EMILIN1: variants seen among roughly 807,000 people sequenced by gnomAD.
EMILIN1 encodes EMILIN-1.
Under a neutral mutation model 82.4 loss-of-function variants are expected in EMILIN1, and 49 were observed. That is an observed-to-expected ratio of 0.59 (90% CI 0.47 to 0.75). The LOEUF is 0.75. Among genes scored for constraint, EMILIN1 ranks in the 30% least tolerant of loss-of-function variants. EMILIN1 has a pLI of 0.00. For missense variants in EMILIN1, 1,313 were observed against 1,366.4 expected, an observed-to-expected ratio of 0.96 and a Z score of 0.62; for synonymous variants, 604 against 602.2, an observed-to-expected ratio of 1.00 and a Z score of -0.04.
At position 27,082,593 on chromosome 2, in the gene EMILIN1, C is replaced by A. The variant is rs1423398383; in HGVS notation, c.1022C>A (p.Ala341Glu). 12 of 1,543,044 alleles carry A rather than the reference C, an allele frequency of 7.8e-6. No homozygotes were observed. Among genetic ancestry groups the A allele is most frequent in the Admixed American group, 2.0e-5 (1 of 50,958 alleles). Residue 341 changes from alanine (A) to glutamate (E), a missense_variant, in exon 4 of 8, where the codon GCA becomes GAA. Physicochemically the swap from Ala to Glu is moderately radical, Grantham distance 107. Transcript: ENST00000380320. ...ASVEERQRHL[A>E]GLAVGRRPPQ... is the part of the protein sequence containing the mutation. ...GTGGAGGAGCGGCAACGGCACCTCGCAGGGCTGGCGGTGGGCCGCAGGCCC... is the reference window on the plus strand; with the variant it reads ...GTGGAGGAGCGGCAACGGCACCTCGAAGGGCTGGCGGTGGGCCGCAGGCCC...
At chr2:27,079,684 C>G (rs1031420569) in intron 1 of EMILIN1, among the ~76,000 whole-genome samples, 1 of 152,226 alleles carries the variant, frequency 6.6e-6, no homozygotes, top group African/African-American at 2.4e-5. Flanking sequence ...GAACTGCAAT[C>G]CCCAAGAGGG....
At chr2:27,084,583 A>G in intron 5 of EMILIN1, 52 bp downstream of exon 5, 1 of 1,096,264 alleles carries the variant, frequency 9.1e-7, no homozygotes, top group Non-Finnish European at 1.4e-6. Flanking sequence ...GCCCCCTCCA[A>G]CCCTGACCCC....
intron 3 of EMILIN1, among the ~76,000 whole-genome samples, chr2:27,081,849 G>A (rs74464646): frequency 2.6e-5 from 4 of 152,250 alleles, no homozygotes; most frequent in Non-Finnish European, 5.9e-5. Flanking sequence ...CAGCCTATAT[G>A]ATGGGAAGAG....
At chr2:27,081,151 TTGTG>T (rs1242804580) in intron 3 of EMILIN1, among the ~76,000 whole-genome samples, 199 bp downstream of exon 3, 1 of 118,228 alleles carries the variant, frequency 8.5e-6, no homozygotes, top group Non-Finnish European at 1.8e-5. Context: ...GTGTGTGTAT[TTGTG>T]TGTCTGTGTG....
chr2:27,084,283 A>G lies in EMILIN1; in HGVS notation c.2441-132A>G, dbSNP rs941662424. On this transcript the variant is annotated intron_variant, in intron 4 of 7. Transcript: ENST00000380320. ...TCCAGCATATGCAGCAAGGGACCCC[A>G]TGGCCCCCTCAGCCTGCAAAGCTCC... is the stretch of plus-strand genomic sequence containing the variant. The G allele has an allele frequency of 1.1e-5, 8 of 719,432 alleles. No homozygotes were observed. In the Admixed American group the frequency reaches 1.4e-4, roughly 13 times the overall value. The allele number at this position is 719,432 out of a possible 1,614,324, so 44.6% of individuals were successfully genotyped here.
intron 3 of EMILIN1, among the ~76,000 whole-genome samples, chr2:27,081,527 C>T (rs976580917): frequency 6.6e-6 from 1 of 152,178 alleles, no homozygotes; most frequent in Non-Finnish European, 1.5e-5. Flanking sequence ...CCAACTCTCA[C>T]CGTCCACAGA....
chr2:27,079,167 T>A lies in EMILIN1; in HGVS notation c.102T>A (p.Gly34=). 1 of 1,590,268 alleles carries A rather than the reference T, an allele frequency of 6.3e-7. No homozygotes were observed. The highest frequency in any genetic ancestry group is 1.1e-5 in the South Asian group (1 of 89,078). The change falls in exon 1 of 8, where the codon GGT becomes GGA. Residue 34 remains glycine (G), a synonymous_variant. Coordinates refer to ENST00000380320, the MANE Select transcript of EMILIN1 (RefSeq NM_007046.4). ...CTCGAGGTTTCAGCCTCTACACAGGTTCCAGTGGGGCCCTCAGCCCCGGGG... is the reference window on the plus strand; with the variant it reads ...CTCGAGGTTTCAGCCTCTACACAGGATCCAGTGGGGCCCTCAGCCCCGGGG... ...YPPRGFSLYT[G]SSGALSPGGP...
chr2:27,083,083 G>A lies in EMILIN1; in HGVS notation c.1512G>A (p.Val504=). 1 of 1,560,516 alleles carries A rather than the reference G, an allele frequency of 6.4e-7. No homozygotes were observed. Among genetic ancestry groups the A allele is most frequent in the Non-Finnish European group, 8.7e-7 (1 of 1,152,504 alleles). ...SEILSALERR[V]LDSEGQLRLV... ...TCCTCAGTGCCTTGGAGCGCAGGGT[G>A]CTGGACAGTGAGGGGCAGCTGCGGC... Residue 504 remains valine (V), a synonymous_variant, in exon 4 of 8, where the codon GTG becomes GTA. Transcript: ENST00000380320.
chr2:27,082,652 C>G lies in EMILIN1; in HGVS notation c.1081C>G (p.Arg361Gly). 2 of 1,548,934 alleles carry G rather than the reference C, an allele frequency of 1.3e-6. No homozygotes were observed. Among genetic ancestry groups the G allele is most frequent in the Non-Finnish European group, 1.7e-6 (2 of 1,149,816 alleles). The change falls in exon 4 of 8, where the codon CGA becomes GGA. Residue 361 changes from arginine to glycine, a missense_variant. Transcript: ENST00000380320. ...QECCSPELGR[R>G]LAELERRLDV... Reference sequence around the variant, plus strand: ...ATGCTGCTCTCCAGAGCTGGGCCGGCGACTGGCAGAGCTGGAGCGCAGGCT... The same window carrying G: ...ATGCTGCTCTCCAGAGCTGGGCCGGGGACTGGCAGAGCTGGAGCGCAGGCT...
rs372417617 is a variant in EMILIN1 at position 27,083,720 on chromosome 2, G to A, written c.2149G>A (p.Ala717Thr). ...AGGCCTAGAGGAGGGACAAGCACAG[G>A]CCGGCCAGTGCCCCAGCTTAGAGGG... ...FRGLEEGQAQ[A>T]GQCPSLEGRL... The change falls in exon 4 of 8, where the codon GCC (alanine) becomes ACC (threonine). Residue 717 changes from alanine to threonine, a missense_variant. Coordinates refer to ENST00000380320, the MANE Select transcript of EMILIN1 (RefSeq NM_007046.4). 2.5e-6 allele frequency: 4 copies of A among 1,613,880 alleles called. No individual in the cohort carries two copies. The highest frequency in any genetic ancestry group is 4.5e-5 in the East Asian group (2 of 44,858).
chr2:27,083,142 CG>C lies in EMILIN1; in HGVS notation c.1576del (p.Glu526ArgfsTer35). 6.3e-7 allele frequency: 1 copy of C among 1,592,656 alleles called. No individual in the cohort carries two copies. The highest frequency in any genetic ancestry group is 8.6e-7 in the Non-Finnish European group (1 of 1,168,262). Reference protein sequence around the residue: ...VGSGLHTVEAAGEARQATLEG... With the variant: ...VGSGLHTVEAXGEARQATLEG... ...TCCGGCCTGCACACGGTGGAAGCAG[CG>C]GGGGAGGCCCGGCAGGCCACGCTGG... On this transcript the variant is annotated frameshift_variant, in exon 4 of 8. Transcript: ENST00000380320. LOFTEE classifies it high-confidence loss of function.
At position 27,083,004 on chromosome 2, in the gene EMILIN1, G is replaced by A; in HGVS notation, c.1433G>A (p.Cys478Tyr). 6.4e-7 allele frequency: 1 copy of A among 1,566,738 alleles called. No individual in the cohort carries two copies. The highest frequency in any genetic ancestry group is 8.6e-7 in the Non-Finnish European group (1 of 1,156,654). Residue 478 changes from cysteine (C) to tyrosine (Y), a missense_variant, in exon 4 of 8, where the codon TGC becomes TAC. Transcript: ENST00000380320. Reference sequence around the variant, plus strand: ...CAGGTGGCAGGGGCCATGCAGGCATGCGGGCAGCTCTGCTCTGGGGCCCCT... The same window carrying A: ...CAGGTGGCAGGGGCCATGCAGGCATACGGGCAGCTCTGCTCTGGGGCCCCT... ...EEQVAGAMQACGQLCSGAPGE... is the reference protein window; with the variant it reads ...EEQVAGAMQAYGQLCSGAPGE...
At position 27,078,926 on chromosome 2, in the gene EMILIN1, G is replaced by A; in HGVS notation, c.-140G>A. ...CAGGCAGCCAAGGAGAAGACGTGTG[G>A]CCGGGGGCTATCAGAAGGAAACTGG... is the stretch of plus-strand genomic sequence containing the variant. On this transcript the variant is annotated 5_prime_UTR_variant, in exon 1 of 8. Transcript: ENST00000380320. 1 of 596,144 alleles carries A rather than the reference G, an allele frequency of 1.7e-6. No homozygotes were observed. The highest frequency in any genetic ancestry group is 3.4e-5 in the East Asian group (1 of 29,006). The allele number at this position is 596,144 out of a possible 1,614,324, so 36.9% of individuals were successfully genotyped here.
chr2:27,082,159 G>C lies in EMILIN1; in HGVS notation c.588G>C (p.Arg196=). The change falls in exon 4 of 8, where the codon CGG becomes CGC. Residue 196 remains arginine (R), a synonymous_variant. Transcript: ENST00000380320. ...QSLTKELQGL[R]GVLQGLSGRL... Reference sequence around the variant, plus strand: ...TGACCAAGGAGCTGCAAGGCCTGCGGGGCGTCCTGCAAGGACTGAGCGGGC... The same window carrying C: ...TGACCAAGGAGCTGCAAGGCCTGCGCGGCGTCCTGCAAGGACTGAGCGGGC... 1 of 1,613,788 alleles carries C rather than the reference G, an allele frequency of 6.2e-7. No individual in the cohort carries two copies. The highest frequency in any genetic ancestry group is 8.5e-7 in the Non-Finnish European group (1 of 1,180,022).
chr2:27,081,272 T>C (rs1334426211), intron 3 of EMILIN1, among the ~76,000 whole-genome samples: 1 of 152,172 alleles, frequency 6.6e-6, no homozygotes, highest in Non-Finnish European at 1.5e-5. Flanking sequence ...TTCAAACAGC[T>C]GCAGGAGAAA....
chr2:27,085,263 G>C lies in EMILIN1; in HGVS notation c.2679G>C (p.Leu893=). The change falls in exon 7 of 8, where the codon CTG becomes CTC. Residue 893 remains leucine (L), a synonymous_variant. Transcript: ENST00000380320. ...GCACGGTCCCCTTCGACAGAGTCCTGCTCAATGATGGAGGCTATTATGATC... is the reference window on the plus strand; with the variant it reads ...GCACGGTCCCCTTCGACAGAGTCCTCCTCAATGATGGAGGCTATTATGATC... The part of the protein sequence containing the change: ...EPGTVPFDRV[L]LNDGGYYDPE... 6.2e-7 allele frequency: 1 copy of C among 1,614,116 alleles called. No individual in the cohort carries two copies. The highest frequency in any genetic ancestry group is 1.3e-5 in the African/African-American group (1 of 75,068).
rs1669463734 is a variant in EMILIN1, at chr2:27,080,969, C to T, written c.511+17C>T. 1.3e-6 allele frequency: 2 copies of T among 1,533,824 alleles called. No individual in the cohort carries two copies. Among genetic ancestry groups the T allele is most frequent in the Non-Finnish European group, 1.8e-6 (2 of 1,131,174 alleles). On this transcript the variant is annotated intron_variant, in intron 3 of 7. Coordinates refer to ENST00000380320, the MANE Select transcript of EMILIN1 (RefSeq NM_007046.4). ...GGGGAGAAGGTGAGTGTGGGAGCTG[C>T]TGCGAGGGTGGCAAGTTCCAAATGG... is the stretch of plus-strand genomic sequence containing the variant.
intron 5 of EMILIN1, 138 bp from the exon 6 acceptor site, chr2:27,084,853 C>A: frequency 2.5e-6 from 2 of 815,256 alleles, no homozygotes; most frequent in Admixed American, 3.7e-5. Flanking sequence ...CTACCTATTC[C>A]TGTTTTTCTT....
rs1669504954 is a variant in EMILIN1 at position 27,082,747 on chromosome 2, G to A, written c.1176G>A (p.Gly392=). The A allele has an allele frequency of 6.5e-7, 1 of 1,541,850 alleles. No individual in the cohort carries two copies. The highest frequency in any genetic ancestry group is 1.4e-5 in the African/African-American group (1 of 73,462). ...RRGTELGGAA[G]QGGHPPGYTS... ...GCACAGAGCTGGGAGGAGCCGCGGG[G>A]CAGGGAGGCCACCCCCCAGGCTACA... is the stretch of plus-strand genomic sequence containing the variant. Residue 392 remains glycine, a synonymous_variant, in exon 4 of 8, where the codon GGG becomes GGA. Coordinates refer to ENST00000380320, the MANE Select transcript of EMILIN1 (RefSeq NM_007046.4).
Sources: gnomAD v4.1 joint callset for allele counts (sites outside exome capture counted in the v4.1 genomes callset) on GRCh38, gnomAD v4.1.1 for gene constraint, MANE v1.5 for transcripts, NCBI Gene and HGNC (gene_info 2026-07-23, HGNC 2026-07-21) for gene names.